Variants in MYRIP observed in about 807,000 individuals in gnomAD.
MYRIP encodes rab effector MyRIP.
Under a neutral mutation model 98.0 loss-of-function variants are expected in MYRIP, and 49 were observed. The ratio of observed to expected loss-of-function variants is 0.50; its 90% CI spans 0.40 to 0.63. The LOEUF (loss-of-function observed/expected upper bound fraction) is 0.63. Among genes scored for constraint, MYRIP ranks in the 30% least tolerant of loss-of-function variants. The probability of loss-of-function intolerance (pLI) is 0.00; values close to 1 mark genes in which losing one functional copy is unlikely to be tolerated. For missense variants in MYRIP, 1,004 were observed against 1,058.2 expected (o/e 0.95, Z 0.71); for synonymous variants, 404 against 409.5 (o/e 0.99, Z 0.16).
At chr3:39,876,772 A>C (rs1943009576) in intron 1 of MYRIP, among the ~76,000 whole-genome samples, 1 of 152,076 alleles carries the variant, frequency 6.6e-6, no homozygotes, top group African/African-American at 2.4e-5. Context: ...GCTGCCCTTA[A>C]CATTTTTTCC....
chr3:40,191,643 G>A (rs1445174207), intron 10 of MYRIP, among the ~76,000 whole-genome samples: 2 of 152,156 alleles, frequency 1.3e-5, no homozygotes, highest in African/African-American at 2.4e-5. Flanking sequence ...TATCAGTCCT[G>A]ATTGACCTGC....
chr3:39,972,658 G>T (rs1945617017), intron 2 of MYRIP, among the ~76,000 whole-genome samples: 1 of 152,014 alleles, frequency 6.6e-6, no homozygotes, highest in Non-Finnish European at 1.5e-5. Flanking sequence ...TTCTGATTAT[G>T]CTTCGGCAGA....
At chr3:40,066,179 C>A (rs556933528) in intron 3 of MYRIP, among the ~76,000 whole-genome samples, 32 of 152,192 alleles carry the variant, frequency 2.1e-4, no homozygotes, top group African/African-American at 7.0e-4. Flanking sequence ...CTCTGATGAG[C>A]CCAGGAAGTC....
chr3:39,948,926 A>T (rs1211416709), intron 2 of MYRIP, among the ~76,000 whole-genome samples: 2 of 152,160 alleles, frequency 1.3e-5, no homozygotes, highest in Non-Finnish European at 2.9e-5. Flanking sequence ...ATTTGCTTCT[A>T]AGGAATAACA....
chr3:40,151,135 C>A lies in MYRIP; in HGVS notation c.420C>A (p.Asn140Lys), dbSNP rs760568948. Residue 140 changes from asparagine (N) to lysine (K), a missense_variant, in exon 4 of 17, where the codon AAC becomes AAA. Asn to Lys is a moderately conservative substitution (Grantham distance 94, BLOSUM62 0). Coordinates refer to ENST00000302541, the MANE Select transcript of MYRIP (RefSeq NM_015460.4). ...KRFGSAKVLKNLYRKHRLESG... is the reference protein window; with the variant it reads ...KRFGSAKVLKKLYRKHRLESG... The stretch of plus-strand genomic sequence containing the variant: ...TTGGCAGTGCCAAGGTTCTGAAGAA[C>A]CTGTACAGGAAGCACCGGCTGGAGA... 12 of 1,611,842 alleles carry A rather than the reference C, an allele frequency of 7.4e-6. No homozygotes were observed. Among genetic ancestry groups the A allele is most frequent in the Non-Finnish European group, 1.0e-5 (12 of 1,178,886 alleles).
intron 2 of MYRIP, among the ~76,000 whole-genome samples, chr3:39,954,853 T>C (rs1945114652): frequency 2.0e-5 from 3 of 152,108 alleles, no homozygotes; most frequent in Admixed American, 2.0e-4. Context: ...CTGAAACCCA[T>C]GGCACGAGAA....
intron 2 of MYRIP, among the ~76,000 whole-genome samples, chr3:40,036,512 A>C (rs951461610): frequency 6.6e-6 from 1 of 152,060 alleles, no homozygotes; most frequent in Non-Finnish European, 1.5e-5. Flanking sequence ...CAAAATTGTT[A>C]AATGTGTATA....
intron 1 of MYRIP, among the ~76,000 whole-genome samples, chr3:39,889,727 T>C (rs997239148): frequency 2.0e-5 from 3 of 152,158 alleles, no homozygotes; most frequent in Non-Finnish European, 4.4e-5. Context: ...TTGCTTATAA[T>C]GTTGTTTATT....
At chr3:39,845,307 G>A (rs989634866) in intron 1 of MYRIP, among the ~76,000 whole-genome samples, 8 of 152,136 alleles carry the variant, frequency 5.3e-5, no homozygotes, top group African/African-American at 1.2e-4. Context: ...CCTTGGGATG[G>A]TTGGTGTGAA....
chr3:40,129,489 C>CGAA (rs1046047021), intron 3 of MYRIP, among the ~76,000 whole-genome samples: 5 of 126,698 alleles, frequency 3.9e-5, no homozygotes, highest in African/African-American at 1.4e-4. Flanking sequence ...ATGCCACCTC[C>CGAA]GAAAACACCC....
chr3:40,043,357 T>C (rs75149324), intron 2 of MYRIP, among the ~76,000 whole-genome samples: 219 of 152,232 alleles, frequency 1.4e-3, no homozygotes, highest in African/African-American at 2.9e-3. Flanking sequence ...TCTTTTTTTT[T>C]CCCCAGGTTA....
intron 2 of MYRIP, among the ~76,000 whole-genome samples, chr3:40,018,360 A>T (rs371634656): frequency 1.8e-4 from 27 of 152,234 alleles, no homozygotes; most frequent in African/African-American, 6.0e-4. Flanking sequence ...CTCTCTCCAG[A>T]GCTCTATCCA....
intron 2 of MYRIP, among the ~76,000 whole-genome samples, chr3:39,973,880 C>A (rs1465137900): frequency 1.3e-5 from 2 of 152,190 alleles, no homozygotes; most frequent in Non-Finnish European, 2.9e-5. Flanking sequence ...GTACCAGAAT[C>A]TCTGGGACGC....
intron 2 of MYRIP, among the ~76,000 whole-genome samples, chr3:39,982,195 T>C (rs543514189): frequency 2.0e-5 from 3 of 152,326 alleles, no homozygotes; most frequent in Non-Finnish European, 4.4e-5. Context: ...TAATCTGCTC[T>C]GTAGAGAGTA....
chr3:40,189,893 C>T lies in MYRIP; in HGVS notation c.1095C>T (p.Pro365=). Residue 365 remains proline, a synonymous_variant, in exon 10 of 17, where the codon CCC becomes CCT. Coordinates refer to ENST00000302541, the MANE Select transcript of MYRIP (RefSeq NM_015460.4). ...CCCTGAAGGATGGCGCTCCACCCCC[C>T]ACCCGACTACTGGCCAAACCTAAGA... ...WVALKDGAPP[P]TRLLAKPKSG... is the part of the protein sequence containing the mutation. The T allele has an allele frequency of 6.2e-7, 1 of 1,614,204 alleles. No individual in the cohort carries two copies. Among genetic ancestry groups the T allele is most frequent in the East Asian group, 2.2e-5 (1 of 44,872 alleles).
At chr3:39,981,952 A>G (rs1372365059) in intron 2 of MYRIP, among the ~76,000 whole-genome samples, 2 of 152,222 alleles carry the variant, frequency 1.3e-5, no homozygotes, top group African/African-American at 4.8e-5. Flanking sequence ...AAAAAAACAA[A>G]CATAGTTTTA....
intron 15 of MYRIP, among the ~76,000 whole-genome samples, chr3:40,251,654 T>C (rs1365126397): frequency 6.6e-6 from 1 of 152,244 alleles, no homozygotes; most frequent in African/African-American, 2.4e-5. Context: ...TACTGGGTTA[T>C]CTCTGAGCTA....
intron 2 of MYRIP, among the ~76,000 whole-genome samples, chr3:40,003,958 C>T (rs1246097871): frequency 6.6e-6 from 1 of 152,168 alleles, no homozygotes; most frequent in African/African-American, 2.4e-5. Context: ...TCCTGCTATG[C>T]CCACCTGCCA....
At chr3:40,169,573 C>G (rs969577089) in intron 7 of MYRIP, among the ~76,000 whole-genome samples, 4 of 152,188 alleles carry the variant, frequency 2.6e-5, no homozygotes, top group African/African-American at 9.7e-5. Context: ...GCTGTGTAGC[C>G]TTATCCAATA....
Sources: allele counts gnomAD v4.1 joint callset (sites outside exome capture counted in the v4.1 genomes callset), GRCh38; gene constraint gnomAD v4.1.1; transcripts MANE v1.5; gene names NCBI Gene and HGNC (gene_info 2026-07-23, HGNC 2026-07-21).